The following DAB2IP variants were observed in gnomAD, a reference collection of about 807,000 sequenced individuals.
DAB2IP encodes disabled homolog 2-interacting protein.
A neutral mutation model predicts 107.2 loss-of-function variants in DAB2IP; 28 were observed. The ratio of observed to expected loss-of-function variants is 0.26; its 90% confidence interval spans 0.19 to 0.36. DAB2IP has a LOEUF of 0.36. Ranked by LOEUF, DAB2IP falls within the 10% of genes least tolerant of loss-of-function variation. DAB2IP has a pLI of 1.00. For missense variants in DAB2IP, 1,400 were observed against 1,644.7 expected, an observed-to-expected ratio of 0.85 and a Z score of 2.57; for synonymous variants, 755 against 706.4, an observed-to-expected ratio of 1.07 and a Z score of -1.09.
intron 3 of DAB2IP, among the ~76,000 whole-genome samples, chr9:121,713,710 G>T (rs1182543827): frequency 1.3e-5 from 2 of 152,208 alleles, no homozygotes; most frequent in African/African-American, 4.8e-5. Flanking sequence ...GTTCACAGCA[G>T]CTGGGCTTAG....
In DAB2IP at chr9:121,759,866, G is replaced by A. The variant is rs781150351; in HGVS notation, c.616-19G>A. On this transcript the variant is annotated intron_variant, in intron 5 of 15. Transcript: ENST00000408936. ...GTGGCACCCCCAGCTGACCACCCTG[G>A]ACCCCCGTGCACATACAGGACAACA... 1 of 1,599,456 alleles carries A rather than the reference G, an allele frequency of 6.3e-7. No individual in the cohort carries two copies. Among genetic ancestry groups the A allele is most frequent in the Middle Eastern group, 1.7e-4 (1 of 5,998 alleles).
intron 1 of DAB2IP, among the ~76,000 whole-genome samples, chr9:121,631,347 G>T (rs1831872111): frequency 1.3e-5 from 2 of 152,134 alleles, no homozygotes; most frequent in Non-Finnish European, 2.9e-5. Flanking sequence ...TTTGGGCCTT[G>T]AAAATTTTGA....
chr9:121,578,205 A>G (rs1369752932), intron 1 of DAB2IP, among the ~76,000 whole-genome samples: 1 of 151,950 alleles, frequency 6.6e-6, no homozygotes, highest in Admixed American at 6.6e-5. Flanking sequence ...TAGTCCTTTC[A>G]GAGACTCTCT....
chr9:121,762,128 C>T (rs1444837467), intron 6 of DAB2IP, among the ~76,000 whole-genome samples: 1 of 152,206 alleles, frequency 6.6e-6, no homozygotes, highest in Non-Finnish European at 1.5e-5. Flanking sequence ...TACTTGGGAA[C>T]TAGCCCCTCT....
At chr9:121,590,742 G>C (rs151312339) in intron 1 of DAB2IP, among the ~76,000 whole-genome samples, 1 of 152,148 alleles carries the variant, frequency 6.6e-6, no homozygotes, top group Non-Finnish European at 1.5e-5. Flanking sequence ...GAAAGCAGAC[G>C]TGCCTTCACT....
At chr9:121,593,464 G>T (rs1433387728) in intron 1 of DAB2IP, among the ~76,000 whole-genome samples, 1 of 151,952 alleles carries the variant, frequency 6.6e-6, no homozygotes, top group African/African-American at 2.4e-5. Flanking sequence ...TAGAGATGGG[G>T]TCTTGCCATG....
chr9:121,740,216 A>G (rs1470141025), intron 3 of DAB2IP, among the ~76,000 whole-genome samples: 1 of 152,198 alleles, frequency 6.6e-6, no homozygotes, highest in Non-Finnish European at 1.5e-5. Flanking sequence ...CAGCTGACCC[A>G]GTGGATCTCA....
intron 1 of DAB2IP, among the ~76,000 whole-genome samples, chr9:121,639,865 G>T (rs907002819): frequency 6.6e-6 from 1 of 152,182 alleles, no homozygotes; most frequent in African/African-American, 2.4e-5. Flanking sequence ...TCACCTGTGG[G>T]ACCACTGCCC....
intron 1 of DAB2IP, among the ~76,000 whole-genome samples, chr9:121,669,947 T>C (rs1200082263): frequency 6.6e-6 from 1 of 152,214 alleles, no homozygotes; most frequent in Non-Finnish European, 1.5e-5. Flanking sequence ...CATGCCTGCG[T>C]ATAGTTCTCT....
At chr9:121,749,412 T>C (rs1832950870) in intron 3 of DAB2IP, among the ~76,000 whole-genome samples, 1 of 152,258 alleles carries the variant, frequency 6.6e-6, no homozygotes, top group Non-Finnish European at 1.5e-5. Flanking sequence ...TGGCATGTTC[T>C]GACCTGATGA....
intron 3 of DAB2IP, among the ~76,000 whole-genome samples, chr9:121,712,858 C>T (rs1830403803): frequency 6.6e-6 from 1 of 152,212 alleles, no homozygotes; most frequent in South Asian, 2.1e-4. Context: ...TAATGCATGG[C>T]TCCTTAGAGG....
chr9:121,572,148 C>A (rs2118884847), intron 1 of DAB2IP, among the ~76,000 whole-genome samples: 1 of 152,248 alleles, frequency 6.6e-6, no homozygotes, highest in Middle Eastern at 3.4e-3. Flanking sequence ...TCCTGCCCTG[C>A]AAAATATGCT....
intron 1 of DAB2IP, among the ~76,000 whole-genome samples, chr9:121,591,993 G>A (rs960090090): frequency 6.6e-6 from 1 of 152,206 alleles, no homozygotes; most frequent in Admixed American, 6.5e-5. Flanking sequence ...AAGAGATCAG[G>A]AGAGATGGAG....
chr9:121,782,477 C>T lies in DAB2IP; in HGVS notation c.3549C>T (p.Phe1183=), dbSNP rs746353386. Reference sequence around the variant, plus strand: ...TGCAGATTACTGAGAACGGCGAGTTCAGAAACAGCAGCAATTGTTAACCTG... The same window carrying T: ...TGCAGATTACTGAGAACGGCGAGTTTAGAAACAGCAGCAATTGTTAACCTG... Residue 1183 remains phenylalanine (F), a synonymous_variant, in exon 16 of 16, where the codon TTC becomes TTT. Coordinates refer to ENST00000408936, the Ensembl canonical transcript of DAB2IP. This position sits in a 1 kb window ranked among gnomAD's most constrained non-coding sequence, Gnocchi z 6.1. The T allele has an allele frequency of 6.2e-7, 1 of 1,613,990 alleles. No individual in the cohort carries two copies. Among genetic ancestry groups the T allele is most frequent in the Non-Finnish European group, 8.5e-7 (1 of 1,179,914 alleles).
intron 1 of DAB2IP, among the ~76,000 whole-genome samples, chr9:121,613,518 A>G (rs1831163832): frequency 6.6e-6 from 1 of 151,936 alleles, no homozygotes; most frequent in Admixed American, 6.6e-5. Flanking sequence ...TGAGATGATT[A>G]TTGAGATATT....
chr9:121,682,544 TGA>T (rs1232544886), intron 2 of DAB2IP, among the ~76,000 whole-genome samples: 2 of 152,130 alleles, frequency 1.3e-5, no homozygotes, highest in Admixed American at 1.3e-4. Context: ...CCTCATTTTG[TGA>T]GTCAGCCGAG....
intron 2 of DAB2IP, among the ~76,000 whole-genome samples, chr9:121,679,853 CAGAG>C (rs10668803): frequency 6.7e-6 from 1 of 150,130 alleles, no homozygotes; most frequent in African/African-American, 2.4e-5. Flanking sequence ...TAGGCAAGGA[CAGAG>C]AGAGAGAGAG....
At chr9:121,609,103 A>T (rs538379158) in intron 1 of DAB2IP, among the ~76,000 whole-genome samples, 1 of 152,218 alleles carries the variant, frequency 6.6e-6, no homozygotes, top group South Asian at 2.1e-4. Context: ...CATCACGGCC[A>T]GCTATTTTTT....
rs543238718 is a variant in DAB2IP at position 121,693,794 on chromosome 9, C to A, written c.229-5531C>A. Among the ~76,000 whole-genome samples the A allele has an allele frequency of 3.3e-5, 5 of 152,342 alleles. No individual in the cohort carries two copies. The East Asian group carries it at 9.6e-4, about 29-fold the overall frequency. On this transcript the variant is annotated intron_variant, in intron 2 of 15. Coordinates refer to ENST00000408936, the Ensembl canonical transcript of DAB2IP. ...GGAAGAATGCAAGGACAAATAGATGCTGGGCTTGGGGGAAGGAACCCGCCC... is the reference window on the plus strand; with the variant it reads ...GGAAGAATGCAAGGACAAATAGATGATGGGCTTGGGGGAAGGAACCCGCCC...
Sources: allele counts gnomAD v4.1 joint callset (sites outside exome capture counted in the v4.1 genomes callset), GRCh38; gene constraint gnomAD v4.1.1; non-coding constraint Gnocchi (gnomAD v3.1); transcripts MANE v1.5; gene names NCBI Gene and HGNC (gene_info 2026-07-23, HGNC 2026-07-21).